The following EFEMP1 variants were observed in gnomAD, a reference collection of about 807,000 sequenced individuals.
EFEMP1 encodes the protein EGF-containing fibulin-like extracellular matrix protein 1.
EFEMP1 carries 18 observed loss-of-function variants against 65.7 expected under a neutral mutation model. That is an observed-to-expected ratio of 0.27 (90% CI 0.19 to 0.41). The LOEUF (loss-of-function observed/expected upper bound fraction) is 0.41. Ranked by LOEUF, EFEMP1 falls within the 10% of genes least tolerant of loss-of-function variation. The pLI, the probability that EFEMP1 is intolerant of heterozygous loss-of-function variation, is 1.00. For missense variants in EFEMP1, 469 were observed against 624.8 expected (o/e 0.75, Z 2.66); for synonymous variants, 237 against 219.7 (o/e 1.08, Z -0.70).
At position 55,917,342 on chromosome 2, in the gene EFEMP1, C is replaced by T. The variant is rs1430602212; in HGVS notation, c.517+323G>A. Among the ~76,000 whole-genome samples the T allele has an allele frequency of 2.0e-5, 3 of 152,156 alleles. No homozygotes were observed. In the East Asian group the frequency reaches 5.8e-4, roughly 29 times the overall value. Reference sequence around the variant, plus strand: ...AAAAAAAGCCGATGCCTGGAACCCACCTCAGAGACTGTGATTTAACTGGGC... The same window carrying T: ...AAAAAAAGCCGATGCCTGGAACCCATCTCAGAGACTGTGATTTAACTGGGC... On this transcript the variant is annotated intron_variant, in intron 5 of 11. Transcript: ENST00000355426. The surrounding 1 kb of genome is among the most constrained non-coding windows in gnomAD (Gnocchi z 6.3).
rs1670912360 is a variant in EFEMP1, at chr2:55,921,743, A to T, written c.81+617T>A. ...TTACTTGGAAATATCAGAGACGCTA[A>T]TTAGAAAATGCAAAACGGAGTTGCA... On this transcript the variant is annotated intron_variant, in intron 3 of 11. Transcript: ENST00000355426. This position sits in a 1 kb window ranked among gnomAD's most constrained non-coding sequence, Gnocchi z 4.1. 6.6e-6 allele frequency among the ~76,000 whole-genome samples: 1 copy of T among 152,258 alleles called. No homozygotes were observed. Among genetic ancestry groups the T allele is most frequent in the Admixed American group, 6.5e-5 (1 of 15,294 alleles).
At chr2:55,905,495 T>G (rs1263236260) in intron 5 of EFEMP1, among the ~76,000 whole-genome samples, 1 of 152,196 alleles carries the variant, frequency 6.6e-6, no homozygotes, top group Admixed American at 6.5e-5. Flanking sequence ...TTGCCCAGGC[T>G]GGAGTACAAT....
chr2:55,901,408 G>A (rs140290750), intron 5 of EFEMP1, among the ~76,000 whole-genome samples: 41 of 152,268 alleles, frequency 2.7e-4, no homozygotes, highest in African/African-American at 9.4e-4. Flanking sequence ...TCATTTATGA[G>A]TGTTTTTGAG....
chr2:55,892,660 G>A (rs567994402), intron 5 of EFEMP1, among the ~76,000 whole-genome samples: 1 of 152,168 alleles, frequency 6.6e-6, no homozygotes, highest in East Asian at 1.9e-4. Flanking sequence ...ATGTCTGTTT[G>A]GCAGTGCAAA....
In EFEMP1 at chr2:55,873,669, G is replaced by C. The variant is rs1295521847; in HGVS notation, c.1000+1277C>G. 6.6e-6 allele frequency among the ~76,000 whole-genome samples: 1 copy of C among 152,034 alleles called. No individual in the cohort carries two copies. The highest frequency in any genetic ancestry group is 1.9e-4 in the East Asian group (1 of 5,192). ...ATAATTAACATTTATAAAGTCTCTA[G>C]TAACCTGGAAAGGGTTATAAAGATG... On this transcript the variant is annotated intron_variant, in intron 9 of 11. Transcript: ENST00000355426. The surrounding 1 kb of genome is among the most constrained non-coding windows in gnomAD (Gnocchi z 4.6).
Position 55,866,468 on chromosome 2 carries a change from A to T in EFEMP1, c.*605T>A, listed in dbSNP as rs1668582054. 6.6e-6 allele frequency: 1 copy of T among 152,404 alleles called. No homozygotes were observed. The highest frequency in any genetic ancestry group is 1.5e-5 in the Non-Finnish European group (1 of 68,048). 9.4% of individuals were successfully genotyped at this position (152,404 alleles called of 1,614,324 possible). On this transcript the variant is annotated 3_prime_UTR_variant, in exon 12 of 12. Coordinates refer to ENST00000355426, the MANE Select transcript of EFEMP1 (RefSeq NM_001039348.3). Reference sequence around the variant, plus strand: ...TTACTGTTTTTTACAAAATATTCACAATCTAAAATTTCTGACAAAATTAAA... The same window carrying T: ...TTACTGTTTTTTACAAAATATTCACTATCTAAAATTTCTGACAAAATTAAA...
chr2:55,916,982 T>C (rs1427644543), intron 5 of EFEMP1, among the ~76,000 whole-genome samples: 1 of 152,178 alleles, frequency 6.6e-6, no homozygotes, highest in Non-Finnish European at 1.5e-5. Context: ...GCAAGTGATA[T>C]AAGTGAAACG....
At chr2:55,907,467 C>T (rs372103255) in intron 5 of EFEMP1, among the ~76,000 whole-genome samples, 12 of 152,192 alleles carry the variant, frequency 7.9e-5, no homozygotes, top group African/African-American at 2.2e-4. Flanking sequence ...TGTAAAAATA[C>T]GATTCTGAGG....
chr2:55,881,626 C>G lies in EFEMP1; in HGVS notation c.626G>C (p.Gly209Ala), dbSNP rs770640062. Residue 209 changes from glycine to alanine, a missense_variant, in exon 6 of 12, where the codon GGG (glycine) becomes GCG (alanine). Transcript: ENST00000355426. The part of the protein sequence containing the change: ...CQCPPGYQKR[G>A]EQCVDIDECT... The stretch of plus-strand genomic sequence containing the variant: ...GTGGTACTTACCTACGCACTGCTCC[C>G]CTCGCTTCTGATATCCAGGAGGGCA... 1.2e-6 allele frequency: 2 copies of G among 1,613,818 alleles called. No homozygotes were observed. The highest frequency in any genetic ancestry group is 8.5e-7 in the Non-Finnish European group (1 of 1,179,910).
At chr2:55,893,063 G>T (rs1558473136) in intron 5 of EFEMP1, among the ~76,000 whole-genome samples, 1 of 152,108 alleles carries the variant, frequency 6.6e-6, no homozygotes, top group South Asian at 2.1e-4. Flanking sequence ...TTTGGCTTCA[G>T]GCACATATGT....
intron 5 of EFEMP1, among the ~76,000 whole-genome samples, chr2:55,882,062 G>A (rs1034622407): frequency 3.3e-5 from 5 of 152,096 alleles, no homozygotes; most frequent in Non-Finnish European, 7.4e-5. Flanking sequence ...GTCTCGGTAG[G>A]AATGAATCCT....
rs921791030 is a variant in EFEMP1, at chr2:55,873,448, G to A, written c.1000+1498C>T. ...TAGGCTAGGCAGGTCGGATCCCACC[G>A]TGCATTAATCTGCTTCTGTCTTTTG... is the stretch of plus-strand genomic sequence containing the variant. On this transcript the variant is annotated intron_variant, in intron 9 of 11. Coordinates refer to ENST00000355426, the MANE Select transcript of EFEMP1 (RefSeq NM_001039348.3). This position sits in a 1 kb window ranked among gnomAD's most constrained non-coding sequence, Gnocchi z 4.6. 4.6e-5 allele frequency among the ~76,000 whole-genome samples: 7 copies of A among 151,928 alleles called. No individual in the cohort carries two copies. The highest frequency in any genetic ancestry group is 7.2e-5 in the African/African-American group (3 of 41,400).
At chr2:55,875,626 C>G (rs376528525) in intron 8 of EFEMP1, among the ~76,000 whole-genome samples, 1 of 152,018 alleles carries the variant, frequency 6.6e-6, no homozygotes, top group African/African-American at 2.4e-5. Flanking sequence ...AATGAATTGG[C>G]TTGTGGTTGA....
chr2:55,899,752 A>C (rs572506088), intron 5 of EFEMP1, among the ~76,000 whole-genome samples: 25 of 152,336 alleles, frequency 1.6e-4, no homozygotes, highest in African/African-American at 5.8e-4. Flanking sequence ...CTACCCAAGT[A>C]GTGACCATGA....
chr2:55,898,991 C>T (rs1420420481), intron 5 of EFEMP1, among the ~76,000 whole-genome samples: 1 of 152,230 alleles, frequency 6.6e-6, no homozygotes, highest in Non-Finnish European at 1.5e-5. Flanking sequence ...GAGTTTGATA[C>T]ACAAGGACAA....
intron 5 of EFEMP1, among the ~76,000 whole-genome samples, chr2:55,898,204 G>A (rs977993681): frequency 3.3e-5 from 5 of 152,082 alleles, no homozygotes; most frequent in African/African-American, 1.2e-4. Context: ...CATGAAGTGT[G>A]GGGGGTGAAA....
At chr2:55,874,886 C>T in intron 9 of EFEMP1, 60 bp downstream of exon 9, 1 of 1,542,910 alleles carries the variant, frequency 6.5e-7, no homozygotes, top group Non-Finnish European at 8.8e-7. Context: ...CTATAACTTC[C>T]TCTTGTCTCT....
At chr2:55,869,919 G>T (rs1395823705) in intron 11 of EFEMP1, among the ~76,000 whole-genome samples, 2 of 152,098 alleles carry the variant, frequency 1.3e-5, no homozygotes, top group Non-Finnish European at 2.9e-5. Context: ...CTGAGGCTTT[G>T]GGGTCAGGGA....
intron 6 of EFEMP1, among the ~76,000 whole-genome samples, chr2:55,879,173 G>A (rs559632749): frequency 1.3e-5 from 2 of 152,298 alleles, no homozygotes; most frequent in African/African-American, 4.8e-5. Context: ...TATAGTGCAT[G>A]ACATTCTCCC....
Sources: allele counts gnomAD v4.1 joint callset (sites outside exome capture counted in the v4.1 genomes callset), GRCh38; gene constraint gnomAD v4.1.1; non-coding constraint Gnocchi (gnomAD v3.1); transcripts MANE v1.5; gene names NCBI Gene and HGNC (gene_info 2026-07-23, HGNC 2026-07-21).